SMURF1: variants seen among roughly 807,000 people sequenced by gnomAD.
SMURF1 encodes the protein SMAD specific E3 ubiquitin protein ligase 1.
A neutral mutation model predicts 98.0 loss-of-function variants in SMURF1; 44 were observed. The observed-to-expected ratio is 0.45, with a 90% CI of 0.35 to 0.58. The LOEUF is 0.58. Among genes scored for constraint, SMURF1 ranks in the 20% least tolerant of loss-of-function variants. The pLI is 0.00. For synonymous variants in SMURF1, 396 were observed against 374.9 expected (o/e 1.06, Z -0.65); for missense variants, 687 against 938.4 (o/e 0.73, Z 3.50).
chr7:99,048,208 T>G (rs1335308797), intron 9 of SMURF1: 1 of 293,028 alleles, frequency 3.4e-6, no homozygotes, highest in African/African-American at 2.2e-5. Flanking sequence ...GACAACATGG[T>G]GAAACCCGGT....
At chr7:99,060,573 TG>T in intron 3 of SMURF1, 25 bp downstream of exon 3, 2 of 1,555,640 alleles carry the variant, frequency 1.3e-6, no homozygotes, top group Admixed American at 1.7e-5. Flanking sequence ...CCGCTCCGCA[TG>T]GGGCTTACAG....
chr7:99,129,764 G>A (rs185853267), intron 1 of SMURF1, among the ~76,000 whole-genome samples: 15 of 152,302 alleles, frequency 9.8e-5, no homozygotes. Flanking sequence ...GGCTCCAGCC[G>A]AGCCCTTCAT....
chr7:99,120,110 G>A (rs1205056736), intron 1 of SMURF1, among the ~76,000 whole-genome samples: 3 of 152,100 alleles, frequency 2.0e-5, no homozygotes, highest in Admixed American at 2.0e-4. Flanking sequence ...GTTGTTTAAG[G>A]AGCCTGGCAC....
chr7:99,061,787 G>C lies in SMURF1; in HGVS notation c.94+12C>G. 1 of 1,590,900 alleles carries C rather than the reference G, an allele frequency of 6.3e-7. No homozygotes were observed. Among genetic ancestry groups the C allele is most frequent in the East Asian group, 2.2e-5 (1 of 44,532 alleles). ...AACATTATAAGAGGGAAAAAAATAA[G>C]TGTTTACTTACTGAAGAAGTCTTTC... On this transcript the variant is annotated intron_variant, in intron 2 of 17. Coordinates refer to ENST00000361368, the MANE Select transcript of SMURF1 (RefSeq NM_181349.3).
rs1442117723 is a variant in SMURF1, at chr7:99,060,630, A to G, written c.172T>C (p.Leu58=). The G allele has an allele frequency of 1.2e-6, 2 of 1,613,770 alleles. No individual in the cohort carries two copies. The highest frequency in any genetic ancestry group is 2.2e-5 in the East Asian group (1 of 44,860). Residue 58 remains leucine (L), a synonymous_variant, in exon 3 of 18, where the codon TTG becomes CTG. Coordinates refer to ENST00000361368, the MANE Select transcript of SMURF1 (RefSeq NM_181349.3). ...CHSTDTVKNT[L]DPKWNQHYDL... is the part of the protein sequence containing the mutation. ...TAGTGCTGGTTCCACTTTGGGTCCA[A>G]TGTGTTTTTCACAGTGTCGGTTGAG...
intron 8 of SMURF1, chr7:99,050,951 T>A (rs966962591): frequency 5.8e-6 from 9 of 1,551,010 alleles, no homozygotes; most frequent in Non-Finnish European, 6.1e-6. Context: ...AAGGAATTCG[T>A]ATAGAAAAGC....
At chr7:99,095,900 C>T (rs1796946754) in intron 1 of SMURF1, among the ~76,000 whole-genome samples, 1 of 152,078 alleles carries the variant, frequency 6.6e-6, no homozygotes, top group African/African-American at 2.4e-5. Flanking sequence ...GGAGAAAACC[C>T]AGATGTCCAG....
intron 1 of SMURF1, among the ~76,000 whole-genome samples, chr7:99,124,514 G>T (rs1045496112): frequency 6.6e-6 from 1 of 152,144 alleles, no homozygotes; most frequent in African/African-American, 2.4e-5. Context: ...AAGGGAAAAC[G>T]GGACAGGCGC....
intron 1 of SMURF1, among the ~76,000 whole-genome samples, chr7:99,076,524 G>A (rs1321579437): frequency 1.3e-5 from 2 of 152,194 alleles, no homozygotes; most frequent in East Asian, 3.8e-4. Context: ...TCTCAAAGCT[G>A]TCAAGATCAT....
chr7:99,139,839 G>A (rs1798075914), intron 1 of SMURF1, among the ~76,000 whole-genome samples: 1 of 152,114 alleles, frequency 6.6e-6, no homozygotes, highest in Admixed American at 6.5e-5. Context: ...TTTAGACCAG[G>A]TTGCCAAAGC....
Position 99,049,404 on chromosome 7 carries a change from G to A in SMURF1, c.953+159C>T, listed in dbSNP as rs967274885. On this transcript the variant is annotated intron_variant, in intron 9 of 17. Coordinates refer to ENST00000361368, the MANE Select transcript of SMURF1 (RefSeq NM_181349.3). ...AGTGCTCTTCACAGCTAATTTAAGAGTTTAAAATATGCAATTATCCGCCAG... is the reference window on the plus strand; with the variant it reads ...AGTGCTCTTCACAGCTAATTTAAGAATTTAAAATATGCAATTATCCGCCAG... The A allele has an allele frequency of 6.5e-6, 5 of 765,120 alleles. No homozygotes were observed. The African/African-American group carries it at 8.8e-5, about 13-fold the overall frequency. The allele number at this position is 765,120 out of a possible 1,614,324, so 47.4% of individuals were successfully genotyped here. A position where few individuals can be genotyped will look rare whatever the true frequency, so the allele number is the denominator to read the frequency against.
chr7:99,045,879 C>A, intron 10 of SMURF1, 78 bp from the exon 11 acceptor site: 1 of 1,138,526 alleles, frequency 8.8e-7, no homozygotes, highest in Non-Finnish European at 1.3e-6. Flanking sequence ...ATAATGGAGC[C>A]CGGTTAAGAA....
intron 1 of SMURF1, among the ~76,000 whole-genome samples, chr7:99,127,563 C>A (rs2150634534): frequency 6.6e-6 from 1 of 152,230 alleles, no homozygotes; most frequent in Middle Eastern, 3.4e-3. Flanking sequence ...AAAAGAACAG[C>A]TCTTTCTCTG....
intron 1 of SMURF1, among the ~76,000 whole-genome samples, chr7:99,132,466 C>T (rs1417951174): frequency 6.6e-6 from 1 of 152,128 alleles, no homozygotes; most frequent in Non-Finnish European, 1.5e-5. Context: ...ATTGATTGGA[C>T]ATTGGTAGAT....
chr7:99,083,869 C>T (rs565113660), intron 1 of SMURF1, among the ~76,000 whole-genome samples: 1 of 152,204 alleles, frequency 6.6e-6, no homozygotes, highest in Non-Finnish European at 1.5e-5. Flanking sequence ...TGCCCCCTTT[C>T]GATAACATCC....
rs1455718425 is a variant in SMURF1, at chr7:99,030,563, T to C, written c.*21A>G. On this transcript the variant is annotated 3_prime_UTR_variant, in exon 18 of 18. Transcript: ENST00000361368. ...TTGGTCTGGTGGCCATGAGCTAGAC[T>C]CTGTTGCCTTTGGTTGCTTTTCACT... is the stretch of plus-strand genomic sequence containing the variant. The C allele has an allele frequency of 1.9e-6, 3 of 1,610,138 alleles. No homozygotes were observed. The South Asian group carries it at 3.3e-5, about 18-fold the overall frequency.
intron 1 of SMURF1, among the ~76,000 whole-genome samples, chr7:99,100,937 T>C (rs1184729088): frequency 6.6e-6 from 1 of 152,170 alleles, no homozygotes; most frequent in Non-Finnish European, 1.5e-5. Context: ...ATAAGCAAGG[T>C]GGAGAAAAGA....
chr7:99,100,284 A>G (rs752804941), intron 1 of SMURF1, among the ~76,000 whole-genome samples: 5 of 152,226 alleles, frequency 3.3e-5, no homozygotes, highest in African/African-American at 7.2e-5. Flanking sequence ...GCCCTGCCCA[A>G]TGGCTCACGC....
intron 1 of SMURF1, chr7:99,081,461 G>A (rs1215442349): frequency 6.6e-6 from 1 of 152,202 alleles, no homozygotes; most frequent in Non-Finnish European, 1.5e-5. Context: ...GGTTTGTGTA[G>A]ACATATACTT....
Sources: gnomAD v4.1 joint callset for allele counts (sites outside exome capture counted in the v4.1 genomes callset) on GRCh38, gnomAD v4.1.1 for gene constraint, MANE v1.5 for transcripts, NCBI Gene and HGNC (gene_info 2026-07-23, HGNC 2026-07-21) for gene names.